CEP57: variants seen among roughly 807,000 people sequenced by gnomAD.
CEP57 encodes centrosomal protein 57, also known as centrosomal protein of 57 kDa.
Under a neutral mutation model 68.0 loss-of-function variants are expected in CEP57, and 40 were observed. The observed-to-expected ratio is 0.59, with a 90% confidence interval of 0.46 to 0.77. The LOEUF is 0.77. Ranked by LOEUF, CEP57 falls within the 30% of genes least tolerant of loss-of-function variation. The probability of loss-of-function intolerance (pLI) is 0.00; values close to 1 mark genes in which losing one functional copy is unlikely to be tolerated. For synonymous variants in CEP57, 219 were observed against 198.7 expected, an observed-to-expected ratio of 1.10 and a Z score of -0.86; for missense variants, 606 against 580.7, an observed-to-expected ratio of 1.04 and a Z score of -0.45.
rs569458993 is a variant in CEP57, at chr11:95,827,704, C to A, written c.886-82C>A. 8.3e-6 allele frequency: 13 copies of A among 1,561,114 alleles called. No homozygotes were observed. The African/African-American group carries it at 1.3e-4, about 16-fold the overall frequency. On this transcript the variant is annotated intron_variant, in intron 8 of 10. Coordinates refer to ENST00000325542, the MANE Select transcript of CEP57 (RefSeq NM_014679.5). ...ACTCTACTTTAGGGGGTGGAGAGTT[C>A]TTTTTACCTAGGCTTAGGGAATAGA...
intron 2 of CEP57, among the ~76,000 whole-genome samples, chr11:95,810,007 C>T (rs1861982355): frequency 6.6e-6 from 1 of 152,188 alleles, no homozygotes; most frequent in South Asian, 2.1e-4. Context: ...CCACCAAGAT[C>T]AAGTTGGCTT....
Position 95,790,586 on chromosome 11 carries a change from C to CA in CEP57, c.-112dup. On this transcript the variant is annotated 5_prime_UTR_variant, in exon 1 of 11. Coordinates refer to ENST00000325542, the MANE Select transcript of CEP57 (RefSeq NM_014679.5). ...CAGCACCAGCACCCTTGCCCTTTTC[C>CA]ATCAGGGGTTCAGCCTAGGGTCCCC... 1 of 1,313,894 alleles carries CA rather than the reference C, an allele frequency of 7.6e-7. No homozygotes were observed. The highest frequency in any genetic ancestry group is 1.1e-6 in the Non-Finnish European group (1 of 932,234). The allele number at this position is 1,313,894 out of a possible 1,614,324, so 81.4% of individuals were successfully genotyped here.
rs759711488 is a variant in CEP57 at position 95,831,263 on chromosome 11, A to G, written c.*7A>G. On this transcript the variant is annotated 3_prime_UTR_variant, in exon 11 of 11. Coordinates refer to ENST00000325542, the MANE Select transcript of CEP57 (RefSeq NM_014679.5). ...TTTGTGTTGGGATTACTGACTCATA[A>G]CCAGGTCAGAAATTTTATTCAGATA... The G allele has an allele frequency of 1.0e-5, 16 of 1,587,382 alleles. No individual in the cohort carries two copies. Among genetic ancestry groups the G allele is most frequent in the Non-Finnish European group, 1.4e-5 (16 of 1,156,514 alleles).
Position 95,812,971 on chromosome 11 carries a change from G to A in CEP57, c.242G>A (p.Arg81Gln), listed in dbSNP as rs1221295374. 8 of 1,613,766 alleles carry A rather than the reference G, an allele frequency of 5.0e-6. No individual in the cohort carries two copies. The highest frequency in any genetic ancestry group is 2.2e-5 in the East Asian group (1 of 44,868). ...CTTAAGAATCTTCAAGATAAGATTC[G>A]ACGCTTGGAACTTGAGAGGATTCAG... Reference protein sequence around the residue: ...SALKNLQDKIRRLELERIQAE... With the variant: ...SALKNLQDKIQRLELERIQAE... The change falls in exon 3 of 11, where the codon CGA becomes CAA. Residue 81 changes from arginine (R) to glutamine (Q), a missense_variant. Arg to Gln is a conservative substitution (Grantham distance 43, BLOSUM62 1). Transcript: ENST00000325542.
At chr11:95,794,147 G>A (rs1591042069) in intron 1 of CEP57, 4 of 414,556 alleles carry the variant, frequency 9.6e-6, no homozygotes, top group South Asian at 6.8e-5. Context: ...ATCTTTTAGA[G>A]TGTAAAGGGG....
chr11:95,810,239 A>T (rs1208088421), intron 2 of CEP57, among the ~76,000 whole-genome samples: 1 of 152,238 alleles, frequency 6.6e-6, no homozygotes, highest in African/African-American at 2.4e-5. Context: ...CCCACAGCCA[A>T]TATCATACTG....
At chr11:95,829,110 A>G (rs1484534405) in intron 9 of CEP57, 77 bp from the exon 10 acceptor site, 1 of 1,455,664 alleles carries the variant, frequency 6.9e-7, no homozygotes, top group African/African-American at 1.4e-5. Context: ...TGGAGCAGTA[A>G]CCCATAATGA....
chr11:95,811,149 G>A (rs548408747), intron 2 of CEP57, among the ~76,000 whole-genome samples: 6 of 152,150 alleles, frequency 3.9e-5, no homozygotes, highest in South Asian at 2.1e-4. Flanking sequence ...TGTTTATTGC[G>A]GCACGGTTCA....
chr11:95,814,246 A>T (rs1262802337), intron 4 of CEP57, among the ~76,000 whole-genome samples: 1 of 150,662 alleles, frequency 6.6e-6, no homozygotes, highest in Non-Finnish European at 1.5e-5. Context: ...TATTTTTAGT[A>T]TAGATGTGGC....
intron 7 of CEP57, 49 bp from the exon 8 acceptor site, chr11:95,822,450 T>C: frequency 6.9e-7 from 1 of 1,450,692 alleles, no homozygotes; most frequent in South Asian, 1.2e-5. Context: ...AGTCAGTTTT[T>C]ATTATCATGT....
chr11:95,821,147 A>G (rs3016295), intron 6 of CEP57, among the ~76,000 whole-genome samples: 41,610 of 152,130 alleles, frequency 0.27, 6,979 homozygotes, highest in Non-Finnish European at 0.38. Flanking sequence ...AACTGCAGAC[A>G]GTTTTGGTAC....
chr11:95,795,814 C>T (rs1473762962), intron 1 of CEP57, among the ~76,000 whole-genome samples: 1 of 152,124 alleles, frequency 6.6e-6, no homozygotes, highest in Non-Finnish European at 1.5e-5. Context: ...ACCATTGGAC[C>T]TTGACTTCTC....
intron 9 of CEP57, among the ~76,000 whole-genome samples, chr11:95,828,932 C>T (rs1862872474): frequency 1.3e-5 from 2 of 151,538 alleles, no homozygotes; most frequent in Admixed American, 1.3e-4. Context: ...GTCCCAGCTA[C>T]TCGGGAGGCT....
At chr11:95,822,810 A>G (rs1862570994) in intron 8 of CEP57, 7 of 515,518 alleles carry the variant, frequency 1.4e-5, no homozygotes, top group Non-Finnish European at 2.1e-5. Flanking sequence ...GGAAGTGATA[A>G]AACAGAGACC....
chr11:95,806,322 G>A (rs1055214349), intron 2 of CEP57, among the ~76,000 whole-genome samples: 8 of 152,184 alleles, frequency 5.3e-5, no homozygotes, highest in Admixed American at 2.0e-4. Context: ...CACAGAAGAC[G>A]GGTGATTTCT....
rs1039050117 is a variant in CEP57 at position 95,790,529 on chromosome 11, C to T, written c.-170C>T. The T allele has an allele frequency of 1.4e-5, 10 of 712,078 alleles. No homozygotes were observed. The highest frequency in any genetic ancestry group is 5.3e-5 in the African/African-American group (3 of 56,260). The allele number at this position is 712,078 out of a possible 1,614,324, so 44.1% of individuals were successfully genotyped here. On this transcript the variant is annotated 5_prime_UTR_variant, in exon 1 of 11. Coordinates refer to ENST00000325542, the MANE Select transcript of CEP57 (RefSeq NM_014679.5). ...GTGTAAGCTGTGAGCGTAGGCGGCC[C>T]TGAGGGGGTGTGTTGCAGGGGTTTC...
intron 2 of CEP57, among the ~76,000 whole-genome samples, chr11:95,804,379 A>C (rs1463029203): frequency 6.6e-6 from 1 of 152,222 alleles, no homozygotes; most frequent in African/African-American, 2.4e-5. Context: ...CTAAAGCCTA[A>C]AACCTTAGGG....
At chr11:95,806,370 G>A (rs1288059845) in intron 2 of CEP57, among the ~76,000 whole-genome samples, 1 of 152,148 alleles carries the variant, frequency 6.6e-6, no homozygotes, top group Non-Finnish European at 1.5e-5. Flanking sequence ...TCTCACTGGG[G>A]CTTGTCAGAC....
At chr11:95,809,298 A>G (rs980079353) in intron 2 of CEP57, among the ~76,000 whole-genome samples, 3 of 152,144 alleles carry the variant, frequency 2.0e-5, no homozygotes, top group Non-Finnish European at 2.9e-5. Flanking sequence ...AAGAACTAGA[A>G]AAGCAAGAGC....
Sources: allele counts gnomAD v4.1 joint callset (sites outside exome capture counted in the v4.1 genomes callset), GRCh38; gene constraint gnomAD v4.1.1; transcripts MANE v1.5; gene names NCBI Gene and HGNC (gene_info 2026-07-23, HGNC 2026-07-21).